The following EP400 variants were observed in gnomAD, a reference collection of about 807,000 sequenced individuals.
EP400 encodes E1A binding protein p400.
In EP400, 105 loss-of-function variants were observed where a neutral mutation model predicts 354.1. The observed-to-expected ratio is 0.30, with a 90% CI of 0.25 to 0.35. The LOEUF is 0.35. Among genes scored for constraint, EP400 ranks in the 10% least tolerant of loss-of-function variants. The probability of loss-of-function intolerance (pLI) is 1.00; values close to 1 mark genes in which losing one functional copy is unlikely to be tolerated. For missense variants in EP400, 3,280 were observed against 4,121.0 expected (o/e 0.80, Z 5.59); for synonymous variants, 1,646 against 1,716.9 (o/e 0.96, Z 1.02).
At chr12:132,005,300 A>G in intron 13 of EP400, 116 bp downstream of exon 13, 1 of 649,662 alleles carries the variant, frequency 1.5e-6, no homozygotes, top group Non-Finnish European at 2.4e-6. Flanking sequence ...AAAAATTAGA[A>G]ATATTTAATA....
At chr12:131,986,418 C>A (rs971134585) in intron 5 of EP400, 96 bp from the exon 6 acceptor site, 1 of 1,252,754 alleles carries the variant, frequency 8.0e-7, no homozygotes, top group Non-Finnish European at 1.1e-6. Flanking sequence ...GCTGGCAGTG[C>A]GCGTCTCTGG....
intron 47 of EP400, 83 bp downstream of exon 47, chr12:132,062,784 G>A: frequency 6.5e-7 from 1 of 1,549,410 alleles, no homozygotes; most frequent in Non-Finnish European, 8.8e-7. Context: ...CTGCTTGCAT[G>A]GTGCAGTCCA....
In EP400 at chr12:132,053,336, C is replaced by T. The variant is rs1427743098; in HGVS notation, c.7474-7C>T. On this transcript the variant is annotated splice_region_variant and splice_polypyrimidine_tract_variant and intron_variant, in intron 42 of 52. Transcript: ENST00000389561. ...CCAGTGGCTCCTCTTCCTTCCTGGC[C>T]CCTCAGGCTCTGGCTGATCAGCAGA... 6.3e-7 allele frequency: 1 copy of T among 1,586,894 alleles called. No individual in the cohort carries two copies. The highest frequency in any genetic ancestry group is 2.2e-5 in the East Asian group (1 of 44,700).
intron 5 of EP400, among the ~76,000 whole-genome samples, chr12:131,982,934 C>G (rs1357007796): frequency 6.7e-6 from 1 of 150,124 alleles, no homozygotes; most frequent in Non-Finnish European, 1.5e-5. Flanking sequence ...CACACCATTG[C>G]ACTCCAGCCT....
chr12:132,018,150 A>G lies in EP400; in HGVS notation c.4111-60A>G. On this transcript the variant is annotated intron_variant, in intron 20 of 52. Coordinates refer to ENST00000389561, the MANE Select transcript of EP400 (RefSeq NM_015409.5). This position sits in a 1 kb window ranked among gnomAD's most constrained non-coding sequence, Gnocchi z 4.0. ...GGCCCTGCCATAGAAATCAGTTTTG[A>G]TTCTTAGGTGCTTTTTTTGCCTCTT... is the stretch of plus-strand genomic sequence containing the variant. 1 of 1,594,870 alleles carries G rather than the reference A, an allele frequency of 6.3e-7. No individual in the cohort carries two copies. Among genetic ancestry groups the G allele is most frequent in the Non-Finnish European group, 8.5e-7 (1 of 1,174,490 alleles).
chr12:132,056,742 G>A (rs1460509436), intron 45 of EP400, among the ~76,000 whole-genome samples: 5 of 152,276 alleles, frequency 3.3e-5, no homozygotes, highest in South Asian at 2.1e-4. Flanking sequence ...AAGTTAATAC[G>A]TTAGGCGTCA....
rs377295148 is a variant in EP400 at position 131,979,861 on chromosome 12, C to T, written c.1435+68C>T. 4.6e-4 allele frequency: 619 copies of T among 1,338,908 alleles called. 3 individuals are homozygous for T. In the African/African-American group the frequency reaches 7.7e-3, roughly 17 times the overall value. 82.9% of individuals were successfully genotyped at this position (1,338,908 alleles called of 1,614,324 possible). A position where few individuals can be genotyped will look rare whatever the true frequency, so the allele number is the denominator to read the frequency against. On this transcript the variant is annotated intron_variant, in intron 3 of 52. Coordinates refer to ENST00000389561, the MANE Select transcript of EP400 (RefSeq NM_015409.5). Reference sequence around the variant, plus strand: ...TCCTTGGGCTGCCGAGGTACAGTTGCCATGAGTTTCTGAAGAGCAGTTGCT... The same window carrying T: ...TCCTTGGGCTGCCGAGGTACAGTTGTCATGAGTTTCTGAAGAGCAGTTGCT...
Position 132,059,786 on chromosome 12 carries a change from C to CG in EP400, c.7885-2321dup, listed in dbSNP as rs145602202. Among the ~76,000 whole-genome samples, 1,098 of 151,908 alleles carry CG rather than the reference C, an allele frequency of 7.2e-3. 37 individuals are homozygous for CG. The South Asian group carries it at 0.095, about 13-fold the overall frequency. ...ATCCCAGCATCTTGGGAGGCCAAGGCGGGCGGATCACGAGGTCAGGAGATA... is the reference window on the plus strand; with the variant it reads ...ATCCCAGCATCTTGGGAGGCCAAGGCGGGGCGGATCACGAGGTCAGGAGATA... On this transcript the variant is annotated intron_variant, in intron 45 of 52. Transcript: ENST00000389561.
intron 4 of EP400, 83 bp from the exon 5 acceptor site, chr12:131,982,010 G>A: frequency 2.7e-6 from 4 of 1,477,178 alleles, no homozygotes; most frequent in Non-Finnish European, 3.6e-6. Flanking sequence ...GCACTGGGGT[G>A]TTAGACGTGT....
At chr12:132,030,452 A>C (rs934199002) in intron 29 of EP400, among the ~76,000 whole-genome samples, 3 of 152,252 alleles carry the variant, frequency 2.0e-5, no homozygotes, top group African/African-American at 7.2e-5. Flanking sequence ...TATGAAAACA[A>C]TTCCAACCAA....
At chr12:131,980,763 C>T (rs1892654028) in intron 3 of EP400, among the ~76,000 whole-genome samples, 1 of 152,120 alleles carries the variant, frequency 6.6e-6, no homozygotes, top group African/African-American at 2.4e-5. Context: ...CTATGTTGCC[C>T]AGGCTGGTCT....
At position 132,043,390 on chromosome 12, in the gene EP400, A is replaced by G. The variant is rs1172601914; in HGVS notation, c.6294A>G (p.Ser2098=). ...GVLGPHTDAL[S]SDSENMPCDE... ...TGGGACCACACACTGATGCTCTGTC[A>G]TCAGACTCTGAGAACATGCCGTGTG... Residue 2098 remains serine, a synonymous_variant, in exon 33 of 53, where the codon TCA becomes TCG. Transcript: ENST00000389561. 1 of 1,613,820 alleles carries G rather than the reference A, an allele frequency of 6.2e-7. No homozygotes were observed. The highest frequency in any genetic ancestry group is 8.5e-7 in the Non-Finnish European group (1 of 1,180,046).
rs1895063181 is a variant in EP400, at chr12:132,045,498, A to G, written c.6964A>G (p.Thr2322Ala). Reference protein sequence around the residue: ...AKPLPTFAKPTAEPGQDNPEW... With the variant: ...AKPLPTFAKPAAEPGQDNPEW... Reference sequence around the variant, plus strand: ...GCCCCTGCCAACTTTTGCCAAACCCACAGCTGAGCCTGGTCAAGACAACCC... The same window carrying G: ...GCCCCTGCCAACTTTTGCCAAACCCGCAGCTGAGCCTGGTCAAGACAACCC... The change falls in exon 38 of 53, where the codon ACA becomes GCA. Residue 2322 changes from threonine to alanine, a missense_variant. This residue lies in a region of EP400 where 231 missense variants were observed against 257.9 expected (regional missense o/e 0.90). Transcript: ENST00000389561. 6.2e-7 allele frequency: 1 copy of G among 1,614,030 alleles called. No individual in the cohort carries two copies. The highest frequency in any genetic ancestry group is 1.3e-5 in the African/African-American group (1 of 74,930).
At position 132,022,651 on chromosome 12, in the gene EP400, TAA is replaced by T. The variant is rs1475808444; in HGVS notation, c.4691-1125_4691-1124del. 6.7e-5 allele frequency among the ~76,000 whole-genome samples: 10 copies of T among 149,582 alleles called. No individual in the cohort carries two copies. In the East Asian group the frequency reaches 1.9e-3, roughly 29 times the overall value. On this transcript the variant is annotated intron_variant, in intron 23 of 52. Coordinates refer to ENST00000389561, the MANE Select transcript of EP400 (RefSeq NM_015409.5). ...TCAAAAAAAGTGTTTTAAGCAACGCTAAGTTTTACTTTTTTTTTTTTTAAACA... is the reference window on the plus strand; with the variant it reads ...TCAAAAAAAGTGTTTTAAGCAACGCTGTTTTACTTTTTTTTTTTTTAAACA...
At chr12:131,969,665 C>T (rs1438656725) in intron 2 of EP400, among the ~76,000 whole-genome samples, 1 of 152,098 alleles carries the variant, frequency 6.6e-6, no homozygotes, top group Non-Finnish European at 1.5e-5. Flanking sequence ...CGGAATCAGC[C>T]ATTTCGACAA....
In EP400 at chr12:131,991,569, T is replaced by C. The variant is rs1893034002; in HGVS notation, c.2679+113T>C. 4.2e-6 allele frequency: 4 copies of C among 956,174 alleles called. No homozygotes were observed. In the Admixed American group the frequency reaches 7.1e-5, roughly 17 times the overall value. 59.2% of individuals were successfully genotyped at this position (956,174 alleles called of 1,614,324 possible). On this transcript the variant is annotated intron_variant, in intron 10 of 52. Transcript: ENST00000389561. ...TTGTAGGCTGTGACTATTACTTCCT[T>C]TCTTTTCTTTTTTTTTTTTTTTTGT... is the stretch of plus-strand genomic sequence containing the variant.
chr12:131,958,194 G>A (rs1208271853), intron 1 of EP400, among the ~76,000 whole-genome samples: 3 of 152,182 alleles, frequency 2.0e-5, no homozygotes, highest in Non-Finnish European at 4.4e-5. Flanking sequence ...GTAAGATCAG[G>A]AACAGAAGCT....
Position 131,961,041 on chromosome 12 carries a change from C to G in EP400, c.422C>G (p.Pro141Arg). Reference protein sequence around the residue: ...VQTQSPTQPSPGPGQALQNVR... With the variant: ...VQTQSPTQPSRGPGQALQNVR... ...ACCCAGAGTCCCACGCAGCCCAGTC[C>G]GGGGCCGGGGCAGGCCTTGCAGAAT... Residue 141 changes from proline (P) to arginine (R), a missense_variant, in exon 2 of 53, where the codon CCG (proline) becomes CGG (arginine). Pro to Arg is a moderately radical substitution (Grantham distance 103). Transcript: ENST00000389561. 3 of 1,584,048 alleles carry G rather than the reference C, an allele frequency of 1.9e-6. No individual in the cohort carries two copies. The highest frequency in any genetic ancestry group is 2.6e-6 in the Non-Finnish European group (3 of 1,165,312).
intron 29 of EP400, chr12:132,031,322 G>A (rs188280770): frequency 4.9e-4 from 255 of 519,114 alleles, no homozygotes; most frequent in Non-Finnish European, 7.5e-4. Context: ...CCAGTAAGAC[G>A]CTGTTTTCTT....
Sources: allele counts gnomAD v4.1 joint callset (sites outside exome capture counted in the v4.1 genomes callset), GRCh38; gene constraint gnomAD v4.1.1; regional missense constraint gnomAD v4.1.1; non-coding constraint Gnocchi (gnomAD v3.1); transcripts MANE v1.5; gene names NCBI Gene and HGNC (gene_info 2026-07-23, HGNC 2026-07-21).